Variants in PCDHA2 observed in about 807,000 individuals in gnomAD.
The protein encoded by PCDHA2 is protocadherin alpha-2.
In PCDHA2, 58 loss-of-function variants were observed where a neutral mutation model predicts 66.0. That is an observed-to-expected ratio of 0.88 (90% CI 0.71 to 1.09). The LOEUF (loss-of-function observed/expected upper bound fraction) is 1.09. Among genes scored for constraint, PCDHA2 ranks in the 50% least tolerant of loss-of-function variants. The pLI, the probability that PCDHA2 is intolerant of heterozygous loss-of-function variation, is 0.00. For missense variants in PCDHA2, 1,267 were observed against 1,242.3 expected (o/e 1.02, Z -0.30); for synonymous variants, 634 against 554.0 (o/e 1.14, Z -2.03).
At chr5:140,837,761 G>A (rs1274767174) in intron 1 of PCDHA2, among the ~76,000 whole-genome samples, 1 of 151,628 alleles carries the variant, frequency 6.6e-6, no homozygotes, top group Non-Finnish European at 1.5e-5. Context: ...ACTGCAACCT[G>A]AAAGTCCTGG....
chr5:140,842,085 C>T (rs2150329021), intron 1 of PCDHA2: 1 of 1,613,890 alleles, frequency 6.2e-7, no homozygotes, highest in Non-Finnish European at 8.5e-7. Flanking sequence ...TTCGAAAACG[C>T]AGACAACGGA....
intron 1 of PCDHA2, chr5:140,810,699 A>T (rs782380307): frequency 6.6e-6 from 1 of 151,874 alleles, no homozygotes; most frequent in Non-Finnish European, 1.5e-5. Context: ...CTTCCATAGA[A>T]CTTTATTTAT....
chr5:141,009,563 C>T (rs1588242901), intron 3 of PCDHA2, 64 bp from the exon 4 acceptor site: 2 of 1,571,920 alleles, frequency 1.3e-6, no homozygotes, highest in Non-Finnish European at 1.7e-6. Flanking sequence ...TGTACTCTAC[C>T]AGCAGTGTGG....
chr5:140,940,485 ACAAGT>A (rs1554213400), intron 1 of PCDHA2, among the ~76,000 whole-genome samples: 1 of 151,718 alleles, frequency 6.6e-6, no homozygotes, highest in African/African-American at 2.4e-5. Flanking sequence ...TTTTTTCAAG[ACAAGT>A]CTTGCTCCGT....
At chr5:140,974,779 C>T (rs950634910) in intron 1 of PCDHA2, among the ~76,000 whole-genome samples, 1 of 152,160 alleles carries the variant, frequency 6.6e-6, no homozygotes, top group African/African-American at 2.4e-5. Context: ...TGAGCCACTG[C>T]GCCCAGCCCT....
Position 141,010,653 on chromosome 5 carries a change from A to G in PCDHA2, c.*716A>G. On this transcript the variant is annotated 3_prime_UTR_variant, in exon 4 of 4. Transcript: ENST00000526136. ...TGCAAGCCAACAGTTCAGTGTTTTA[A>G]CAGAGAACCACCCTGGGAAACAGAA... 5.9e-6 allele frequency: 1 copy of G among 170,180 alleles called. No individual in the cohort carries two copies. The highest frequency in any genetic ancestry group is 1.3e-5 in the Non-Finnish European group (1 of 78,244). 10.5% of individuals were successfully genotyped at this position (170,180 alleles called of 1,614,324 possible). A position where few individuals can be genotyped will look rare whatever the true frequency, so the allele number is the denominator to read the frequency against.
intron 1 of PCDHA2, chr5:140,822,043 G>C (rs1318041408): frequency 1.9e-6 from 3 of 1,614,200 alleles, no homozygotes; most frequent in Non-Finnish European, 2.5e-6. Flanking sequence ...TTCTCGGATC[G>C]ACCGGGAGGA....
At chr5:140,836,901 A>C in intron 1 of PCDHA2, 1 of 593,722 alleles carries the variant, frequency 1.7e-6, no homozygotes. Flanking sequence ...AAGTACGTTT[A>C]ATATACACTT....
intron 1 of PCDHA2, chr5:140,809,314 C>G (rs1333425784): frequency 2.5e-6 from 4 of 1,613,982 alleles, no homozygotes; most frequent in African/African-American, 2.7e-5. Context: ...CGGTGTCCAG[C>G]CTTTTGGTGC....
At chr5:140,954,299 C>T (rs964431670) in intron 1 of PCDHA2, among the ~76,000 whole-genome samples, 2 of 152,166 alleles carry the variant, frequency 1.3e-5, no homozygotes, top group Non-Finnish European at 2.9e-5. Context: ...GGTACATACC[C>T]AGTAATGGGA....
At chr5:140,883,291 A>T (rs1554177505) in intron 1 of PCDHA2, 1 of 1,614,118 alleles carries the variant, frequency 6.2e-7, no homozygotes, top group South Asian at 1.1e-5. Flanking sequence ...TGGAAGTACT[A>T]GATGTAAATG....
rs182752192 is a variant in PCDHA2 at position 140,839,718 on chromosome 5, T to A, written c.2388+42366T>A. ...TAAATAATGTGATGACAAATTTAAATCATTTCACAGAAAATACCCTTATTT... is the reference window on the plus strand; with the variant it reads ...TAAATAATGTGATGACAAATTTAAAACATTTCACAGAAAATACCCTTATTT... On this transcript the variant is annotated intron_variant, in intron 1 of 3. Transcript: ENST00000526136. Among the ~76,000 whole-genome samples the A allele has an allele frequency of 7.0e-4, 106 of 152,196 alleles. 2 individuals are homozygous for A. The highest frequency in any genetic ancestry group is 2.5e-3 in the African/African-American group (104 of 41,490).
At chr5:140,841,903 C>A in intron 1 of PCDHA2, 5 of 1,613,800 alleles carry the variant, frequency 3.1e-6, no homozygotes, top group Non-Finnish European at 4.2e-6. Flanking sequence ...TGGTTGAGCT[C>A]GTATTAAGAA....
intron 1 of PCDHA2, among the ~76,000 whole-genome samples, chr5:140,952,596 GTT>G (rs1246642070): frequency 6.6e-6 from 1 of 152,136 alleles, no homozygotes; most frequent in Non-Finnish European, 1.5e-5. Flanking sequence ...TCTCTAGGAA[GTT>G]CTAAGCTCTC....
At chr5:140,926,775 G>A (rs1563083910) in intron 1 of PCDHA2, 7 of 1,391,106 alleles carry the variant, frequency 5.0e-6, no homozygotes, top group East Asian at 2.6e-5. Context: ...GCCCGCAGCA[G>A]TGACGGCCGG....
intron 1 of PCDHA2, among the ~76,000 whole-genome samples, chr5:140,942,616 T>C (rs2093340049): frequency 1.0e-5 from 1 of 99,878 alleles, no homozygotes. Context: ...TATTTGCCAA[T>C]TGTAAAAAAA....
chr5:140,842,938 C>T (rs2150348159), intron 1 of PCDHA2: 14 of 1,594,434 alleles, frequency 8.8e-6, no homozygotes, highest in South Asian at 5.5e-5. Context: ...GCGCGCGCGA[C>T]GCGGGCGTGC....
At chr5:140,972,027 C>A (rs2096514532) in intron 1 of PCDHA2, among the ~76,000 whole-genome samples, 1 of 152,110 alleles carries the variant, frequency 6.6e-6, no homozygotes, top group African/African-American at 2.4e-5. Flanking sequence ...GATATTCAGG[C>A]ATTTAAGCTA....
At chr5:140,905,092 CAGTCATGAA>C (rs1554191919) in intron 1 of PCDHA2, among the ~76,000 whole-genome samples, 5 of 152,092 alleles carry the variant, frequency 3.3e-5, no homozygotes, top group African/African-American at 1.2e-4. Flanking sequence ...TTTGGGTTCT[CAGTCATGAA>C]TTGTTTGCCT....
Sources: gnomAD v4.1 joint callset for allele counts (sites outside exome capture counted in the v4.1 genomes callset) on GRCh38, gnomAD v4.1.1 for gene constraint, MANE v1.5 for transcripts, NCBI Gene and HGNC (gene_info 2026-07-23, HGNC 2026-07-21) for gene names.